The following ZNF600 variants were observed in gnomAD, a reference collection of about 807,000 sequenced individuals.
The protein encoded by ZNF600 is zinc finger protein 600.
In ZNF600, 4 loss-of-function variants were observed where a neutral mutation model predicts 7.3. That is an observed-to-expected ratio of 0.55 (90% CI 0.27 to 1.25). The LOEUF (loss-of-function observed/expected upper bound fraction) is 1.25. Ranked by LOEUF, ZNF600 falls within the 50% of genes most tolerant of loss-of-function variation. The pLI, the probability that ZNF600 is intolerant of heterozygous loss-of-function variation, is 0.12. For missense variants in ZNF600, 911 were observed against 922.1 expected, an observed-to-expected ratio of 0.99 and a Z score of 0.16; for synonymous variants, 290 against 308.9, an observed-to-expected ratio of 0.94 and a Z score of 0.64.
At chr19:52,833,322 G>C in the ZNF600 span, among the ~76,000 whole-genome samples, 4 of 152,150 alleles carry the variant, frequency 2.6e-5, no homozygotes, top group African/African-American at 7.2e-5. Flanking sequence ...TAGGTGTGAG[G>C]CCTTCCCAGG....
At chr19:52,787,598 C>G (rs551434849), upstream of ZNF600, among the ~76,000 whole-genome samples, 1 of 151,260 alleles carries the variant, frequency 6.6e-6, no homozygotes. Context: ...CTGGCTCACA[C>G]CTGTAATCTC....
the ZNF600 span, chr19:52,810,759 A>AG: frequency 1.7e-6 from 1 of 584,404 alleles, no homozygotes; most frequent in Admixed American, 3.1e-5. Flanking sequence ...GAAGGGGAAA[A>AG]AAAAAGAATA....
chr19:52,790,665 T>C (rs1437111549), upstream of ZNF600, among the ~76,000 whole-genome samples: 1 of 150,264 alleles, frequency 6.7e-6, no homozygotes, highest in Non-Finnish European at 1.5e-5. Context: ...CAGAGCAACA[T>C]TATCTCTCTC....
At chr19:52,769,337 C>G (rs2062614301) in intron 3 of ZNF600, among the ~76,000 whole-genome samples, 1 of 152,176 alleles carries the variant, frequency 6.6e-6, no homozygotes, top group South Asian at 2.1e-4. Context: ...GTCCTGTACA[C>G]CTGGCTCTGC....
At chr19:52,782,518 C>T (rs1340409004) in intron 1 of ZNF600, among the ~76,000 whole-genome samples, 1 of 136,506 alleles carries the variant, frequency 7.3e-6, no homozygotes, top group Non-Finnish European at 1.5e-5. Flanking sequence ...AGCAAAACTG[C>T]ATCCAAAAAA....
Position 52,780,826 on chromosome 19 carries a change from C to T in ZNF600, c.-19-1919G>A, listed in dbSNP as rs2062714604. 6.6e-6 allele frequency: 1 copy of T among 152,188 alleles called. No individual in the cohort carries two copies. The allele number at this position is 152,188 out of a possible 1,614,324, so 9.4% of individuals were successfully genotyped here. A position where few individuals can be genotyped will look rare whatever the true frequency, so the allele number is the denominator to read the frequency against. On this transcript the variant is annotated intron_variant, in intron 1 of 3. It adds an upstream start codon to the 5' untranslated region. Coordinates refer to ENST00000648973, the Ensembl canonical transcript of ZNF600. ...TCTCTTTATATTATAAATTACAACA[C>T]TTACAAATAAAGTAATTTATTTCAC...
chr19:52,824,306 TGACA>T, the ZNF600 span, among the ~76,000 whole-genome samples: 3 of 152,140 alleles, frequency 2.0e-5, no homozygotes, highest in African/African-American at 4.8e-5. Context: ...GCCGGTTGGC[TGACA>T]GTCTAACACA....
chr19:52,799,268 G>C, the ZNF600 span: 1 of 400,316 alleles, frequency 2.5e-6, no homozygotes. Context: ...CATCACATTT[G>C]TAAGGTTTCT....
At chr19:52,765,274 G>C (rs1335511073) in exon 4 of ZNF600, 1 of 608,656 alleles carries the variant, frequency 1.6e-6, no homozygotes, top group Non-Finnish European at 3.2e-6. Context: ...TGTCCAGTAG[G>C]GATTCTCTGA....
the ZNF600 span, among the ~76,000 whole-genome samples, chr19:52,820,325 G>A: frequency 5.2e-5 from 7 of 135,310 alleles, 3 homozygotes; most frequent in South Asian, 1.8e-3. Flanking sequence ...CACCTTGTTA[G>A]CCAGGATGGT....
At chr19:52,830,999 A>T in the ZNF600 span, among the ~76,000 whole-genome samples, 1 of 151,652 alleles carries the variant, frequency 6.6e-6, no homozygotes, top group African/African-American at 2.4e-5. Context: ...GCAAGGGACA[A>T]GAATGAACGA....
chr19:52,807,257 G>A, the ZNF600 span, among the ~76,000 whole-genome samples: 1 of 152,046 alleles, frequency 6.6e-6, no homozygotes, highest in African/African-American at 2.4e-5. Context: ...CTTTTCTAGA[G>A]TCCCAGCCCT....
chr19:52,801,472 G>C, the ZNF600 span: 1 of 1,614,120 alleles, frequency 6.2e-7, no homozygotes, highest in Non-Finnish European at 8.5e-7. Flanking sequence ...TGATCATGTT[G>C]GCCTGTACTA....
the ZNF600 span, chr19:52,810,788 A>T: frequency 2.1e-6 from 1 of 471,052 alleles, no homozygotes; most frequent in Non-Finnish European, 3.8e-6. Flanking sequence ...CCCAAAAAAA[A>T]CAGAAGATGA....
chr19:52,810,140 C>G, the ZNF600 span: 1 of 893,918 alleles, frequency 1.1e-6, no homozygotes, highest in African/African-American at 1.6e-5. Flanking sequence ...TCGAGGGTGA[C>G]CCGGGGCTGG....
At chr19:52,830,650 A>C in the ZNF600 span, among the ~76,000 whole-genome samples, 1 of 151,938 alleles carries the variant, frequency 6.6e-6, no homozygotes, top group South Asian at 2.1e-4. Flanking sequence ...GCAGCCTCCT[A>C]TAATTTTGTC....
the ZNF600 span, among the ~76,000 whole-genome samples, chr19:52,793,747 A>G: frequency 6.7e-6 from 1 of 149,124 alleles, no homozygotes; most frequent in African/African-American, 2.5e-5. Flanking sequence ...AGCCTGGGTG[A>G]GAAGAGCCAA....
chr19:52,820,286 T>G, the ZNF600 span, among the ~76,000 whole-genome samples: 2 of 132,652 alleles, frequency 1.5e-5, no homozygotes, highest in Non-Finnish European at 3.1e-5. Flanking sequence ...CCCGGCTAAT[T>G]TTTTGTATTT....
the ZNF600 span, among the ~76,000 whole-genome samples, chr19:52,827,256 A>G: frequency 3.9e-5 from 6 of 151,914 alleles, no homozygotes; most frequent in African/African-American, 9.7e-5. Flanking sequence ...AAACAAAAAA[A>G]AAAAAAGAAA....
Sources: allele counts gnomAD v4.1 joint callset (sites outside exome capture counted in the v4.1 genomes callset), GRCh38; gene constraint gnomAD v4.1.1; transcripts MANE v1.5; gene names NCBI Gene and HGNC (gene_info 2026-07-23, HGNC 2026-07-21).